The following GHR variants were observed in gnomAD, a reference collection of about 807,000 sequenced individuals.
GHR encodes GH receptor.
GHR carries 35 observed loss-of-function variants against 67.1 expected under a neutral mutation model. That is an observed-to-expected ratio of 0.52 (90% CI 0.40 to 0.69). The LOEUF is 0.69. Ranked by LOEUF, GHR falls within the 30% of genes least tolerant of loss-of-function variation. The pLI is 0.00. For missense variants in GHR, 792 were observed against 764.6 expected, an observed-to-expected ratio of 1.04 and a Z score of -0.42; for synonymous variants, 272 against 269.1, an observed-to-expected ratio of 1.01 and a Z score of -0.10.
At chr5:42,496,049 C>G (rs1428374855) in intron 1 of GHR, among the ~76,000 whole-genome samples, 1 of 152,162 alleles carries the variant, frequency 6.6e-6, no homozygotes, top group Non-Finnish European at 1.5e-5. Flanking sequence ...ATCTGCCTGG[C>G]TGTGATTTAG....
At chr5:42,472,544 A>C (rs777480336) in intron 1 of GHR, among the ~76,000 whole-genome samples, 61 of 152,248 alleles carry the variant, frequency 4.0e-4, no homozygotes, top group Non-Finnish European at 6.2e-4. Context: ...TAGTAGAAAG[A>C]GAATTAGATG....
chr5:42,680,547 A>G (rs1317625540), intron 3 of GHR, among the ~76,000 whole-genome samples: 1 of 151,812 alleles, frequency 6.6e-6, no homozygotes, highest in Non-Finnish European at 1.5e-5. Flanking sequence ...TATGTCACCC[A>G]GGCTGGGGTG....
intron 1 of GHR, among the ~76,000 whole-genome samples, chr5:42,497,853 C>T (rs958427566): frequency 6.6e-6 from 1 of 152,136 alleles, no homozygotes; most frequent in African/African-American, 2.4e-5. Context: ...ATTTGCATTT[C>T]TATAGGTATC....
At chr5:42,441,730 C>T (rs891223778) in intron 1 of GHR, among the ~76,000 whole-genome samples, 2 of 152,082 alleles carry the variant, frequency 1.3e-5, no homozygotes, top group Admixed American at 1.3e-4. Context: ...AGGATGGTCT[C>T]GATCTCCTGA....
In GHR at chr5:42,681,342, C is replaced by A. The variant is rs188111599; in HGVS notation, c.137-7548C>A. Among the ~76,000 whole-genome samples, 1,235 of 151,598 alleles carry A rather than the reference C, an allele frequency of 8.1e-3. 23 individuals carry two copies. The highest frequency in any genetic ancestry group is 0.029 in the African/African-American group (1,184 of 41,366). On this transcript the variant is annotated intron_variant, in intron 3 of 9. Transcript: ENST00000230882. ...CAAAAGAAGACATTTATGCAGCCAA[C>A]AGACACATGAAAAAATGCTCATCAT... is the stretch of plus-strand genomic sequence containing the variant.
chr5:42,695,588 A>G (rs1291825138), intron 5 of GHR, among the ~76,000 whole-genome samples: 1 of 152,228 alleles, frequency 6.6e-6, no homozygotes, highest in Non-Finnish European at 1.5e-5. Context: ...CTTTAAAGAC[A>G]TGTTTATTAG....
chr5:42,638,884 A>G (rs569409795), intron 3 of GHR, among the ~76,000 whole-genome samples: 18 of 152,272 alleles, frequency 1.2e-4, no homozygotes, highest in South Asian at 4.1e-4. Context: ...GACATATAAA[A>G]TTATTATGGT....
chr5:42,673,376 AGT>A (rs1580173728), intron 3 of GHR, among the ~76,000 whole-genome samples: 4 of 152,330 alleles, frequency 2.6e-5, no homozygotes, highest in Admixed American at 6.5e-5. Flanking sequence ...CTTGAAACAG[AGT>A]TACCATTCAA....
chr5:42,676,700 C>T (rs915513242), intron 3 of GHR, among the ~76,000 whole-genome samples: 2 of 152,162 alleles, frequency 1.3e-5, no homozygotes, highest in African/African-American at 2.4e-5. Flanking sequence ...TTACAGATCT[C>T]TTTTACCATA....
At chr5:42,637,434 T>C (rs1048937855) in intron 3 of GHR, among the ~76,000 whole-genome samples, 8 of 152,184 alleles carry the variant, frequency 5.3e-5, no homozygotes, top group African/African-American at 1.9e-4. Context: ...TTGATGTTTT[T>C]CAACTCACAC....
chr5:42,666,532 C>T (rs1561211450), intron 3 of GHR, among the ~76,000 whole-genome samples: 1 of 152,060 alleles, frequency 6.6e-6, no homozygotes, highest in Non-Finnish European at 1.5e-5. Context: ...ATATTTTTCA[C>T]TCTTTTTATT....
chr5:42,453,176 T>C (rs1048192903), intron 1 of GHR, among the ~76,000 whole-genome samples: 6 of 152,210 alleles, frequency 3.9e-5, no homozygotes, highest in African/African-American at 1.4e-4. Flanking sequence ...TTACAGAATC[T>C]TCCTGCACTG....
chr5:42,688,943 T>C lies in GHR; in HGVS notation c.190T>C (p.Phe64Leu). The stretch of plus-strand genomic sequence containing the variant: ...GTGCCGTTCACCTGAGCGAGAGACT[T>C]TTTCATGCCACTGGACAGATGAGGT... ...TKCRSPERET[F>L]SCHWTDEVHH... Residue 64 changes from phenylalanine (F) to leucine (L), a missense_variant, in exon 4 of 10, where the codon TTT becomes CTT. Transcript: ENST00000230882. 6.2e-7 allele frequency: 1 copy of C among 1,613,446 alleles called. No individual in the cohort carries two copies. The highest frequency in any genetic ancestry group is 8.5e-7 in the Non-Finnish European group (1 of 1,179,382).
chr5:42,697,074 TA>T (rs1412218793), intron 5 of GHR, among the ~76,000 whole-genome samples: 1 of 152,186 alleles, frequency 6.6e-6, no homozygotes, highest in Non-Finnish European at 1.5e-5. Context: ...GACAGGTAGC[TA>T]CAACTAGCAC....
At chr5:42,537,311 C>T (rs568431023) in intron 1 of GHR, among the ~76,000 whole-genome samples, 2 of 152,216 alleles carry the variant, frequency 1.3e-5, no homozygotes, top group South Asian at 4.1e-4. Context: ...GAACTTTCCT[C>T]TTAGCACTGC....
intron 3 of GHR, among the ~76,000 whole-genome samples, chr5:42,676,466 A>C (rs1158175892): frequency 6.6e-6 from 1 of 152,192 alleles, no homozygotes; most frequent in East Asian, 1.9e-4. Context: ...GTCCAAAAAG[A>C]AAATATTTTA....
intron 3 of GHR, among the ~76,000 whole-genome samples, chr5:42,687,801 A>T (rs888616093): frequency 1.3e-5 from 2 of 152,202 alleles, no homozygotes; most frequent in Non-Finnish European, 2.9e-5. Context: ...AGAGTTTTAG[A>T]TTAAGTTTAC....
intron 8 of GHR, among the ~76,000 whole-genome samples, chr5:42,717,049 A>G (rs1758757019): frequency 6.6e-6 from 1 of 152,252 alleles, no homozygotes; most frequent in African/African-American, 2.4e-5. Context: ...CTTATAGCAT[A>G]TAAATCCAGC....
chr5:42,549,692 G>T, intron 1 of GHR: 1 of 982,624 alleles, frequency 1.0e-6, no homozygotes, highest in Non-Finnish European at 1.2e-6. Context: ...AATGGTGGAA[G>T]ATAAGGTAGG....
Sources: allele counts gnomAD v4.1 joint callset (sites outside exome capture counted in the v4.1 genomes callset), GRCh38; gene constraint gnomAD v4.1.1; transcripts MANE v1.5; gene names NCBI Gene and HGNC (gene_info 2026-07-23, HGNC 2026-07-21).